APMAP: variants seen among roughly 807,000 people sequenced by gnomAD.
The protein encoded by APMAP is adipocyte plasma membrane-associated protein.
A neutral mutation model predicts 43.6 loss-of-function variants in APMAP; 33 were observed. That is an observed-to-expected ratio of 0.76 (90% CI 0.57 to 1.01). The LOEUF is 1.01. APMAP is among the 50% of genes least tolerant of loss of function. The pLI, the probability that APMAP is intolerant of heterozygous loss-of-function variation, is 0.00. For missense variants in APMAP, 498 were observed against 540.7 expected, an observed-to-expected ratio of 0.92 and a Z score of 0.78; for synonymous variants, 224 against 216.7, an observed-to-expected ratio of 1.03 and a Z score of -0.30.
Position 24,977,788 on chromosome 20 carries a change from C to G in APMAP, c.328+979G>C, listed in dbSNP as rs184257719. ...AGATTTGATTTTTCACCAAAAAAAG[C>G]TAAAGCTTTTAAAATTTACACAAAT... is the stretch of plus-strand genomic sequence containing the variant. On this transcript the variant is annotated intron_variant, in intron 3 of 8. Coordinates refer to ENST00000217456, the MANE Select transcript of APMAP (RefSeq NM_020531.3). Among the ~76,000 whole-genome samples, 1,328 of 152,288 alleles carry G rather than the reference C, an allele frequency of 8.7e-3. 13 individuals carry two copies. The highest frequency in any genetic ancestry group is 0.03 in the African/African-American group (1,245 of 41,564).
At chr20:24,972,454 T>C (rs905341175) in intron 4 of APMAP, among the ~76,000 whole-genome samples, 1 of 149,210 alleles carries the variant, frequency 6.7e-6, no homozygotes, top group African/African-American at 2.5e-5. Flanking sequence ...CAGGGTGTTA[T>C]TGCAGGGTGG....
intron 8 of APMAP, among the ~76,000 whole-genome samples, chr20:24,968,691 C>A (rs1333848495): frequency 6.6e-6 from 1 of 152,086 alleles, no homozygotes; most frequent in East Asian, 1.9e-4. Context: ...AATAAAAACA[C>A]CCAGAAAAAG....
intron 8 of APMAP, among the ~76,000 whole-genome samples, chr20:24,966,371 C>T (rs147661672): frequency 1.6e-4 from 24 of 152,314 alleles, no homozygotes; most frequent in African/African-American, 5.5e-4. Context: ...AAAACCACCT[C>T]TCTGCGAGCA....
At chr20:24,991,193 A>C (rs2088189153) in intron 1 of APMAP, among the ~76,000 whole-genome samples, 1 of 152,240 alleles carries the variant, frequency 6.6e-6, no homozygotes, top group Non-Finnish European at 1.5e-5. Context: ...TGACAAACTC[A>C]GGCCACTGCT....
intron 1 of APMAP, among the ~76,000 whole-genome samples, chr20:24,990,786 A>G (rs1484619966): frequency 6.6e-6 from 1 of 152,226 alleles, no homozygotes; most frequent in African/African-American, 2.4e-5. Flanking sequence ...AATAAGAAAA[A>G]CAGCTACCAT....
intron 5 of APMAP, among the ~76,000 whole-genome samples, chr20:24,971,144 C>T (rs139679818): frequency 6.6e-6 from 1 of 152,134 alleles, no homozygotes; most frequent in Admixed American, 6.5e-5. Flanking sequence ...AGACAAGACG[C>T]AGAGAGACAC....
intron 8 of APMAP, among the ~76,000 whole-genome samples, chr20:24,965,671 G>A (rs2087936482): frequency 6.6e-6 from 1 of 152,256 alleles, no homozygotes; most frequent in East Asian, 1.9e-4. Flanking sequence ...CACAGCCCTT[G>A]AGGCGAAAGG....
intron 2 of APMAP, 92 bp from the exon 3 acceptor site, chr20:24,978,974 A>AATCT: frequency 9.8e-7 from 1 of 1,024,034 alleles, no homozygotes; most frequent in African/African-American, 1.6e-5. Context: ...TTTGATAAAG[A>AATCT]TGGCACTTTC....
chr20:24,988,136 G>A (rs1219374630), intron 1 of APMAP, among the ~76,000 whole-genome samples: 1 of 152,208 alleles, frequency 6.6e-6, no homozygotes, highest in Non-Finnish European at 1.5e-5. Flanking sequence ...TCCCAGGAGA[G>A]AAGAGTCCCT....
At chr20:24,969,714 T>C (rs568974661) in intron 6 of APMAP, 54 bp from the exon 7 acceptor site, 2 of 1,570,686 alleles carry the variant, frequency 1.3e-6, no homozygotes, top group African/African-American at 1.3e-5. Context: ...GCTCCCACTC[T>C]GGGCCTTCAG....
In APMAP at chr20:24,985,348, G is replaced by A. The variant is rs563748206; in HGVS notation, c.96-1329C>T. On this transcript the variant is annotated intron_variant, in intron 1 of 8. Transcript: ENST00000217456. ...AAAGGAAAGACTAAGGGGAAGAAGA[G>A]GGAGCAGCTTTCACAAAGTGTCCCT... Among the ~76,000 whole-genome samples the A allele has an allele frequency of 1.1e-4, 17 of 152,312 alleles. No individual in the cohort carries two copies. The South Asian group carries it at 2.3e-3, about 20-fold the overall frequency.
At position 24,983,961 on chromosome 20, in the gene APMAP, C is replaced by G; in HGVS notation, c.154G>C (p.Val52Leu). 1 of 1,613,828 alleles carries G rather than the reference C, an allele frequency of 6.2e-7. No individual in the cohort carries two copies. Among genetic ancestry groups the G allele is most frequent in the Non-Finnish European group, 8.5e-7 (1 of 1,179,916 alleles). The part of the protein sequence containing the change: ...TFLMLAVSLT[V>L]PLLGAMMLLE... ...AGCATCATGGCTCCAAGCAGGGGAA[C>G]GGTGAGAGAAACAGCCAGCATCAAG... Residue 52 changes from valine to leucine, a missense_variant, in exon 2 of 9, where the codon GTT becomes CTT. Coordinates refer to ENST00000217456, the MANE Select transcript of APMAP (RefSeq NM_020531.3).
At chr20:24,980,449 G>T (rs186187321) in intron 2 of APMAP, among the ~76,000 whole-genome samples, 1 of 147,690 alleles carries the variant, frequency 6.8e-6, no homozygotes, top group East Asian at 2.0e-4. Context: ...ACCTCAACAC[G>T]CCGGGCAGCA....
Position 24,963,538 on chromosome 20 carries a change from A to G in APMAP, c.*275T>C, listed in dbSNP as rs574147405. The G allele has an allele frequency of 8.7e-6, 4 of 461,614 alleles. No homozygotes were observed. In the South Asian group the frequency reaches 9.8e-5, roughly 11 times the overall value. The allele number at this position is 461,614 out of a possible 1,614,324, so 28.6% of individuals were successfully genotyped here. ...CAAATCCTAGAGAATGACTGTACTTAGAAAGTTTTGTTTTGTTTAAGAGAA... is the reference window on the plus strand; with the variant it reads ...CAAATCCTAGAGAATGACTGTACTTGGAAAGTTTTGTTTTGTTTAAGAGAA... On this transcript the variant is annotated 3_prime_UTR_variant, in exon 9 of 9. Transcript: ENST00000217456.
At chr20:24,980,000 C>G (rs1010299203) in intron 2 of APMAP, among the ~76,000 whole-genome samples, 1 of 152,214 alleles carries the variant, frequency 6.6e-6, no homozygotes, top group South Asian at 2.1e-4. Context: ...CAGGCCCCTG[C>G]CCTACTCCAT....
At chr20:24,981,084 G>A (rs183114249) in intron 2 of APMAP, among the ~76,000 whole-genome samples, 3 of 152,334 alleles carry the variant, frequency 2.0e-5, no homozygotes, top group East Asian at 1.9e-4. Flanking sequence ...AAGGATGGTC[G>A]CTCTTCCAGT....
chr20:24,988,373 C>T lies in APMAP; in HGVS notation c.95+4221G>A, dbSNP rs147263157. Among the ~76,000 whole-genome samples the T allele has an allele frequency of 5.9e-5, 9 of 152,320 alleles. No homozygotes were observed. The East Asian group carries it at 9.6e-4, about 16-fold the overall frequency. ...GAGCTGGTGGCACCCCATTTAAATA[C>T]CTGGTTGCCCCTTCACACAATAGTT... On this transcript the variant is annotated intron_variant, in intron 1 of 8. Transcript: ENST00000217456.
At chr20:24,978,984 C>A in intron 2 of APMAP, 102 bp from the exon 3 acceptor site, 1 of 877,604 alleles carries the variant, frequency 1.1e-6, no homozygotes, top group Non-Finnish European at 1.8e-6. Flanking sequence ...ATGGCACTTT[C>A]TAACAACATC....
At chr20:24,973,461 C>T (rs1568813461) in intron 4 of APMAP, among the ~76,000 whole-genome samples, 184 bp downstream of exon 4, 2 of 152,230 alleles carry the variant, frequency 1.3e-5, no homozygotes, top group Non-Finnish European at 1.5e-5. Flanking sequence ...GACCATCAGG[C>T]ACCGTGAGGC....
Sources: gnomAD v4.1 joint callset for allele counts (sites outside exome capture counted in the v4.1 genomes callset) on GRCh38, gnomAD v4.1.1 for gene constraint, MANE v1.5 for transcripts, NCBI Gene and HGNC (gene_info 2026-07-23, HGNC 2026-07-21) for gene names.